Variants in AKT1 observed in about 807,000 individuals in gnomAD.
AKT1 encodes AKT serine/threonine kinase 1.
Under a neutral mutation model 63.1 loss-of-function variants are expected in AKT1, and 21 were observed. That is an observed-to-expected ratio of 0.33 (90% CI 0.24 to 0.48). AKT1 has a LOEUF of 0.48. Ranked by LOEUF, AKT1 falls within the 20% of genes least tolerant of loss-of-function variation. The pLI, the probability that AKT1 is intolerant of heterozygous loss-of-function variation, is 0.99. For synonymous variants in AKT1, 257 were observed against 253.1 expected (o/e 1.02, Z -0.15); for missense variants, 382 against 666.0 (o/e 0.57, Z 4.69).
Position 104,773,921 on chromosome 14 carries a change from GT to G in AKT1, c.692del (p.Asn231ThrfsTer76). 1 of 1,610,882 alleles carries G rather than the reference GT, an allele frequency of 6.2e-7. No homozygotes were observed. ...CAGCCCCAGCCCCTACCTCGCCCCC[GT>G]TGGCGTACTCCATGACAAAGCAGAG... Reference protein sequence around the residue: ...DRLCFVMEYANGGELFFHLSR... With the variant: ...DRLCFVMEYAXGGELFFHLSR... On this transcript the variant is annotated frameshift_variant, in exon 9 of 15. Transcript: ENST00000649815. LOFTEE classifies it high-confidence loss of function.
intron 13 of AKT1, 168 bp from the exon 14 acceptor site, chr14:104,771,015 G>T: frequency 1.6e-6 from 1 of 630,156 alleles, no homozygotes; most frequent in Non-Finnish European, 2.8e-6. Context: ...AGCTCTGGGA[G>T]GGAGGGACAT....
At chr14:104,781,999 G>A (rs1023791197) in intron 3 of AKT1, among the ~76,000 whole-genome samples, 1 of 152,182 alleles carries the variant, frequency 6.6e-6, no homozygotes, top group Non-Finnish European at 1.5e-5. Flanking sequence ...GCCGGCTCCT[G>A]TCCCTGACCT....
chr14:104,769,646 G>A lies in AKT1; in HGVS notation c.*695C>T. On this transcript the variant is annotated 3_prime_UTR_variant, in exon 15 of 15. Transcript: ENST00000649815. ...CAAGAACTGTGACACAGAAGGGGAA[G>A]GGGGAGGGCTTTCCTGTCACAAAGA... 2.0e-6 allele frequency: 1 copy of A among 498,452 alleles called. No homozygotes were observed. Among genetic ancestry groups the A allele is most frequent in the Non-Finnish European group, 3.8e-6 (1 of 259,810 alleles). 30.9% of individuals were successfully genotyped at this position (498,452 alleles called of 1,614,324 possible). A position where few individuals can be genotyped will look rare whatever the true frequency, so the allele number is the denominator to read the frequency against.
At chr14:104,790,809 C>T (rs1034865337) in intron 3 of AKT1, among the ~76,000 whole-genome samples, 5 of 152,182 alleles carry the variant, frequency 3.3e-5, no homozygotes, top group African/African-American at 1.2e-4. Context: ...AACTCAGGGC[C>T]GCCCACAAGC....
intron 4 of AKT1, 120 bp downstream of exon 4, chr14:104,779,968 G>A (rs1892942761): frequency 1.4e-6 from 2 of 1,427,232 alleles, no homozygotes; most frequent in South Asian, 1.4e-5. Context: ...GCCAGTGCTT[G>A]TTGCTTGCCA....
intron 4 of AKT1, among the ~76,000 whole-genome samples, chr14:104,779,348 C>T (rs146926204): frequency 9.8e-5 from 15 of 152,360 alleles, no homozygotes; most frequent in African/African-American, 3.6e-4. Flanking sequence ...GGTCTGGAGG[C>T]TGAGAGCCTG....
At chr14:104,776,111 C>G (rs1271942837) in intron 5 of AKT1, 5 of 299,684 alleles carry the variant, frequency 1.7e-5, no homozygotes, top group African/African-American at 1.4e-4. Context: ...GCCTCCCAAG[C>G]AGGACTCCGC....
intron 3 of AKT1, among the ~76,000 whole-genome samples, chr14:104,780,802 C>T (rs141791479): frequency 8.2e-4 from 124 of 151,796 alleles, no homozygotes; most frequent in African/African-American, 2.4e-3. Context: ...GGGCCGGGCT[C>T]GCGGGACAGG....
At chr14:104,771,101 A>G in intron 13 of AKT1, 1 of 516,086 alleles carries the variant, frequency 1.9e-6, no homozygotes, top group South Asian at 2.7e-5. Context: ...CCAGCAGGCG[A>G]CAGGAGGTAG....
Position 104,792,676 on chromosome 14 carries a change from C to T in AKT1, c.-33G>A. The T allele has an allele frequency of 1.2e-6, 2 of 1,606,306 alleles. No homozygotes were observed. Among genetic ancestry groups the T allele is most frequent in the Non-Finnish European group, 1.7e-6 (2 of 1,179,670 alleles). ...GAGGCTCCCGCGACGCTCACGCGCT[C>T]CTCTCAGGCTGGCGCTCCCCGAGCC... On this transcript the variant is annotated 5_prime_UTR_variant, in exon 3 of 15. Coordinates refer to ENST00000649815, the MANE Select transcript of AKT1 (RefSeq NM_001382430.1).
At chr14:104,785,068 G>A (rs1893261871) in intron 3 of AKT1, among the ~76,000 whole-genome samples, 1 of 152,196 alleles carries the variant, frequency 6.6e-6, no homozygotes, top group Non-Finnish European at 1.5e-5. Flanking sequence ...CTGGGAGCGG[G>A]CGCCAGCTGA....
At position 104,770,333 on chromosome 14, in the gene AKT1, C is replaced by A. The variant is rs111793056; in HGVS notation, c.*8G>T. 2.1e-5 allele frequency: 34 copies of A among 1,607,598 alleles called. 1 individual carries two copies. The African/African-American group carries it at 2.7e-4, about 13-fold the overall frequency. On this transcript the variant is annotated 3_prime_UTR_variant, in exon 15 of 15. Coordinates refer to ENST00000649815, the MANE Select transcript of AKT1 (RefSeq NM_001382430.1). Reference sequence around the variant, plus strand: ...CCAAGCTATCGTCCAGCGCAGTCCACCGCCGCCTCAGGCCGTGCCGCTGGC... The same window carrying A: ...CCAAGCTATCGTCCAGCGCAGTCCAACGCCGCCTCAGGCCGTGCCGCTGGC...
chr14:104,776,503 C>T, intron 5 of AKT1, 156 bp downstream of exon 5: 1 of 617,110 alleles, frequency 1.6e-6, no homozygotes, highest in East Asian at 2.9e-5. Flanking sequence ...ACAGGCAGGA[C>T]TGGGCCAGTT....
intron 5 of AKT1, chr14:104,776,067 CCA>C (rs1892690426): frequency 5.1e-6 from 2 of 390,774 alleles, no homozygotes; most frequent in African/African-American, 4.9e-5. Flanking sequence ...ACTCCGCCCC[CCA>C]GCAGGACTCC....
At chr14:104,777,477 T>A (rs1261410285) in intron 4 of AKT1, 1 of 890,608 alleles carries the variant, frequency 1.1e-6, no homozygotes, top group Non-Finnish European at 1.3e-6. Context: ...TCTAGACACC[T>A]AGCCACATCT....
In AKT1 at chr14:104,773,444, C is replaced by T. The variant is rs370808079; in HGVS notation, c.828+11G>A. 1.2e-4 allele frequency: 194 copies of T among 1,613,764 alleles called. No homozygotes were observed. The highest frequency in any genetic ancestry group is 1.3e-4 in the Non-Finnish European group (157 of 1,179,866). Reference sequence around the variant, plus strand: ...CCAGGGCCCTGCCCCCCTGCCTGCCCGCCAGCGCACCTTGAGGTCCCGGTA... The same window carrying T: ...CCAGGGCCCTGCCCCCCTGCCTGCCTGCCAGCGCACCTTGAGGTCCCGGTA... On this transcript the variant is annotated intron_variant, in intron 10 of 14. Coordinates refer to ENST00000649815, the MANE Select transcript of AKT1 (RefSeq NM_001382430.1).
intron 4 of AKT1, chr14:104,777,768 AG>A (rs1892817000): frequency 1.0e-6 from 1 of 985,144 alleles, no homozygotes; most frequent in African/African-American, 1.7e-5. Context: ...GGCAACCACA[AG>A]GGGGCCTGGC....
chr14:104,793,674 A>G (rs1893741806), intron 1 of AKT1: 1 of 166,444 alleles, frequency 6.0e-6, no homozygotes, highest in Admixed American at 6.4e-5. Context: ...CCACCAGCCA[A>G]CCCTCACCTG....
intron 8 of AKT1, 142 bp from the exon 9 acceptor site, chr14:104,774,122 G>A (rs1266465710): frequency 1.8e-5 from 13 of 734,608 alleles, no homozygotes; most frequent in Admixed American, 6.3e-5. Context: ...CCGACACCAC[G>A]CTGCCTGATA....
Sources: gnomAD v4.1 joint callset for allele counts (sites outside exome capture counted in the v4.1 genomes callset) on GRCh38, gnomAD v4.1.1 for gene constraint, MANE v1.5 for transcripts, NCBI Gene and HGNC (gene_info 2026-07-23, HGNC 2026-07-21) for gene names.